The following LMX1A variants were observed in gnomAD, a reference collection of about 807,000 sequenced individuals.
LMX1A encodes LIM homeobox transcription factor 1 alpha, also known as LIM homeobox transcription factor 1-alpha.
LMX1A carries 15 observed loss-of-function variants against 49.1 expected under a neutral mutation model. The observed-to-expected ratio is 0.31, with a 90% CI of 0.20 to 0.47. LMX1A has a LOEUF of 0.47. Among genes scored for constraint, LMX1A ranks in the 20% least tolerant of loss-of-function variants. The pLI is 1.00. For missense variants in LMX1A, 372 were observed against 475.8 expected (o/e 0.78, Z 2.03); for synonymous variants, 167 against 185.7 (o/e 0.90, Z 0.82).
At chr1:165,297,017 C>T (rs908233365) in intron 3 of LMX1A, among the ~76,000 whole-genome samples, 1 of 152,230 alleles carries the variant, frequency 6.6e-6, no homozygotes, top group African/African-American at 2.4e-5. Context: ...AGTGCAATCA[C>T]AGTTCATTTT....
intron 3 of LMX1A, among the ~76,000 whole-genome samples, chr1:165,272,321 T>C (rs1458986288): frequency 3.9e-5 from 6 of 152,260 alleles, no homozygotes; most frequent in African/African-American, 1.4e-4. Flanking sequence ...AAACATTTGC[T>C]GCTGAAGAGA....
chr1:165,316,516 C>G (rs906366132), intron 3 of LMX1A, among the ~76,000 whole-genome samples: 7 of 152,180 alleles, frequency 4.6e-5, no homozygotes, highest in African/African-American at 1.7e-4. Flanking sequence ...AGACTTATGA[C>G]TCCCTCAAGC....
At chr1:165,306,219 T>G (rs1654916149) in intron 3 of LMX1A, among the ~76,000 whole-genome samples, 1 of 152,232 alleles carries the variant, frequency 6.6e-6, no homozygotes, top group South Asian at 2.1e-4. Flanking sequence ...ATGTGTAACC[T>G]TGTGTGATAT....
chr1:165,343,678 T>G (rs1309970848), intron 3 of LMX1A, among the ~76,000 whole-genome samples: 4 of 152,114 alleles, frequency 2.6e-5, no homozygotes, highest in Non-Finnish European at 5.9e-5. Context: ...TATGGGTTTT[T>G]GAAATGGAAG....
At chr1:165,291,058 A>T (rs1654454581) in intron 3 of LMX1A, among the ~76,000 whole-genome samples, 1 of 152,234 alleles carries the variant, frequency 6.6e-6, no homozygotes, top group Non-Finnish European at 1.5e-5. Flanking sequence ...TAAAATGGTT[A>T]AAAATGGCTC....
At chr1:165,253,140 C>T (rs1653116128) in intron 3 of LMX1A, among the ~76,000 whole-genome samples, 1 of 152,138 alleles carries the variant, frequency 6.6e-6, no homozygotes. Context: ...ACAGACAAAT[C>T]CTTGACCTCA....
intron 4 of LMX1A, among the ~76,000 whole-genome samples, chr1:165,238,977 A>G (rs1358411840): frequency 3.9e-5 from 6 of 152,242 alleles, no homozygotes; most frequent in Admixed American, 3.9e-4. Flanking sequence ...CTTGGTGTGC[A>G]GAATAATTCA....
chr1:165,209,466 C>G (rs1651271591), intron 6 of LMX1A, among the ~76,000 whole-genome samples: 1 of 152,112 alleles, frequency 6.6e-6, no homozygotes, highest in Non-Finnish European at 1.5e-5. Flanking sequence ...ACATTCAGCC[C>G]CACCCCCAAA....
chr1:165,210,577 C>G (rs900086414), intron 6 of LMX1A, 122 bp downstream of exon 6: 1 of 534,082 alleles, frequency 1.9e-6, no homozygotes, highest in Non-Finnish European at 3.2e-6. Context: ...ATTTTTGAAT[C>G]AAGAGAACTA....
At chr1:165,321,560 T>G (rs964400901) in intron 3 of LMX1A, among the ~76,000 whole-genome samples, 1 of 152,180 alleles carries the variant, frequency 6.6e-6, no homozygotes, top group African/African-American at 2.4e-5. Context: ...CATCAAATAA[T>G]TTCTACGGTC....
chr1:165,234,895 T>C (rs1043169173), intron 4 of LMX1A, among the ~76,000 whole-genome samples: 9 of 152,194 alleles, frequency 5.9e-5, no homozygotes, highest in African/African-American at 2.2e-4. Flanking sequence ...CTAACAATCA[T>C]TCTCCCATCT....
At chr1:165,219,104 T>A (rs1651744338) in intron 4 of LMX1A, 1 of 152,210 alleles carries the variant, frequency 6.6e-6, no homozygotes, top group Non-Finnish European at 1.5e-5. Flanking sequence ...CTGGAATGGT[T>A]CAGGGCTGTT....
chr1:165,346,145 C>T (rs1656238588), intron 3 of LMX1A, among the ~76,000 whole-genome samples: 4 of 152,278 alleles, frequency 2.6e-5, no homozygotes, highest in African/African-American at 2.4e-5. Flanking sequence ...TAGGATAAGG[C>T]ACTCCAATCC....
intron 3 of LMX1A, among the ~76,000 whole-genome samples, chr1:165,310,569 G>A (rs927439843): frequency 3.9e-5 from 6 of 152,242 alleles, no homozygotes; most frequent in Admixed American, 1.3e-4. Context: ...CTGGCTCTCT[G>A]TGCAGTATGA....
intron 3 of LMX1A, among the ~76,000 whole-genome samples, chr1:165,333,011 T>C (rs1036838814): frequency 2.0e-4 from 30 of 152,190 alleles, no homozygotes; most frequent in African/African-American, 6.8e-4. Context: ...TTAGAAACCA[T>C]GCGGCATTGG....
At chr1:165,254,409 T>C (rs1653161231) in intron 3 of LMX1A, among the ~76,000 whole-genome samples, 1 of 151,982 alleles carries the variant, frequency 6.6e-6, no homozygotes, top group Admixed American at 6.6e-5. Context: ...AGTGGGGCAG[T>C]CCTGTTTTTT....
intron 3 of LMX1A, among the ~76,000 whole-genome samples, chr1:165,337,404 G>C (rs1655928937): frequency 6.6e-6 from 1 of 152,120 alleles, no homozygotes; most frequent in Admixed American, 6.5e-5. Flanking sequence ...CAACCAAATA[G>C]GAATGGGTTT....
chr1:165,253,433 G>A (rs1483527073), intron 3 of LMX1A, among the ~76,000 whole-genome samples: 1 of 152,114 alleles, frequency 6.6e-6, no homozygotes, highest in Admixed American at 6.5e-5. Flanking sequence ...TTTTGAGGGT[G>A]GAATGAAGGG....
At chr1:165,272,798 G>A (rs1653839857) in intron 3 of LMX1A, among the ~76,000 whole-genome samples, 1 of 152,124 alleles carries the variant, frequency 6.6e-6, no homozygotes, top group African/African-American at 2.4e-5. Context: ...TTGATGGTGT[G>A]GTTTAGTGGG....
Sources: gnomAD v4.1 joint callset for allele counts (sites outside exome capture counted in the v4.1 genomes callset) on GRCh38, gnomAD v4.1.1 for gene constraint, MANE v1.5 for transcripts, NCBI Gene and HGNC (gene_info 2026-07-23, HGNC 2026-07-21) for gene names.